The following KIAA1328 variants were observed in gnomAD, a reference collection of about 807,000 sequenced individuals.
KIAA1328 encodes the protein KIAA1328.
A neutral mutation model predicts 68.1 loss-of-function variants in KIAA1328; 52 were observed. The observed-to-expected ratio is 0.76, with a 90% CI of 0.61 to 0.96. The LOEUF is 0.96. KIAA1328 is among the 40% of genes least tolerant of loss of function. The pLI, the probability that KIAA1328 is intolerant of heterozygous loss-of-function variation, is 0.00. For synonymous variants in KIAA1328, 232 were observed against 239.4 expected (o/e 0.97, Z 0.28); for missense variants, 641 against 677.6 (o/e 0.95, Z 0.60).
chr18:37,053,812 G>A (rs964049737), intron 6 of KIAA1328, among the ~76,000 whole-genome samples: 1 of 152,048 alleles, frequency 6.6e-6, no homozygotes, highest in Non-Finnish European at 1.5e-5. Context: ...CCCCCAACAC[G>A]TGAGGATTAC....
intron 7 of KIAA1328, among the ~76,000 whole-genome samples, chr18:37,097,583 T>G (rs570994971): frequency 1.3e-5 from 2 of 152,356 alleles, no homozygotes; most frequent in Non-Finnish European, 2.9e-5. Flanking sequence ...GTATGAACTT[T>G]AAAGTAGTTT....
chr18:37,230,931 C>G (rs946641351), downstream of KIAA1328: 1 of 152,260 alleles, frequency 6.6e-6, no homozygotes, highest in East Asian at 1.9e-4. Context: ...CACACCGGAA[C>G]TGTCAGCATC....
intron 6 of KIAA1328, among the ~76,000 whole-genome samples, chr18:37,024,825 A>T (rs2054502188): frequency 6.6e-6 from 1 of 152,060 alleles, no homozygotes; most frequent in Non-Finnish European, 1.5e-5. Context: ...GTGAATAGTG[A>T]TGCAAAAAAC....
At chr18:36,978,898 C>T (rs993192386) in intron 6 of KIAA1328, among the ~76,000 whole-genome samples, 3 of 152,164 alleles carry the variant, frequency 2.0e-5, no homozygotes, top group African/African-American at 4.8e-5. Context: ...CACTGTGGCT[C>T]ATGTGTATAA....
chr18:37,094,680 A>G (rs1473954880), intron 7 of KIAA1328, among the ~76,000 whole-genome samples: 1 of 152,236 alleles, frequency 6.6e-6, no homozygotes, highest in African/African-American at 2.4e-5. Context: ...ATGATATACA[A>G]AACAACCAGA....
At chr18:37,104,460 A>T (rs571629256) in intron 7 of KIAA1328, among the ~76,000 whole-genome samples, 18 of 152,340 alleles carry the variant, frequency 1.2e-4, no homozygotes, top group African/African-American at 4.1e-4. Context: ...AGCTAAAAAA[A>T]GTTGAGGTAG....
At chr18:37,051,195 A>C (rs977399543) in intron 6 of KIAA1328, among the ~76,000 whole-genome samples, 42 of 151,460 alleles carry the variant, frequency 2.8e-4, no homozygotes, top group African/African-American at 9.2e-4. Flanking sequence ...GTTTAAAAGA[A>C]ATAACAGATT....
intron 6 of KIAA1328, among the ~76,000 whole-genome samples, chr18:36,968,951 G>A (rs1305107026): frequency 2.6e-5 from 4 of 152,104 alleles, no homozygotes; most frequent in Non-Finnish European, 5.9e-5. Flanking sequence ...TCAGACCACA[G>A]TACAATAAAA....
chr18:37,086,649 T>C (rs2057112782), intron 7 of KIAA1328, among the ~76,000 whole-genome samples: 1 of 152,226 alleles, frequency 6.6e-6, no homozygotes, highest in African/African-American at 2.4e-5. Flanking sequence ...GAAAAATGTC[T>C]TTAGTCAATC....
At chr18:37,138,973 T>TG (rs1283960673) in intron 7 of KIAA1328, among the ~76,000 whole-genome samples, 1 of 111,984 alleles carries the variant, frequency 8.9e-6, no homozygotes, top group African/African-American at 2.8e-5. Flanking sequence ...TTTTTTTTTT[T>TG]TGAGACGAAG....
In KIAA1328 at chr18:37,222,573, G is replaced by A; in HGVS notation, c.*346G>A. ...TCTCAAACTTCTGCTAGAAAATGCT[G>A]ACTCACTTTTATATACAAGAAAAAC... On this transcript the variant is annotated 3_prime_UTR_variant, in exon 10 of 10. Coordinates refer to ENST00000280020, the MANE Select transcript of KIAA1328 (RefSeq NM_020776.3). 9.2e-7 allele frequency: 1 copy of A among 1,092,158 alleles called. No homozygotes were observed. Among genetic ancestry groups the A allele is most frequent in the Non-Finnish European group, 1.1e-6 (1 of 895,984 alleles). The allele number at this position is 1,092,158 out of a possible 1,614,324, so 67.7% of individuals were successfully genotyped here.
At chr18:36,855,365 T>A (rs2047348757) in intron 4 of KIAA1328, among the ~76,000 whole-genome samples, 1 of 152,184 alleles carries the variant, frequency 6.6e-6, no homozygotes, top group Non-Finnish European at 1.5e-5. Context: ...TTAAATGATA[T>A]CTTATTGCAG....
intron 6 of KIAA1328, among the ~76,000 whole-genome samples, chr18:37,008,254 G>A (rs747268147): frequency 3.3e-5 from 5 of 152,160 alleles, no homozygotes; most frequent in Non-Finnish European, 7.3e-5. Context: ...TTTGTGTATG[G>A]GCAACACAAG....
intron 6 of KIAA1328, among the ~76,000 whole-genome samples, chr18:37,044,704 G>A (rs1236718499): frequency 1.3e-5 from 2 of 151,692 alleles, no homozygotes; most frequent in African/African-American, 2.4e-5. Flanking sequence ...GGGAGGCTGA[G>A]GCAGAGAATT....
chr18:36,900,497 A>G (rs2049001857), intron 5 of KIAA1328, among the ~76,000 whole-genome samples: 1 of 151,958 alleles, frequency 6.6e-6, no homozygotes, highest in Non-Finnish European at 1.5e-5. Flanking sequence ...CTCTTTTCTA[A>G]TAAGTGAGCA....
At chr18:37,021,801 G>A (rs1318362845) in intron 6 of KIAA1328, among the ~76,000 whole-genome samples, 1 of 151,944 alleles carries the variant, frequency 6.6e-6, no homozygotes, top group African/African-American at 2.4e-5. Flanking sequence ...CACTTTGGGA[G>A]GCCGGGGCAG....
intron 4 of KIAA1328, among the ~76,000 whole-genome samples, chr18:36,873,239 A>G (rs1314431165): frequency 1.3e-5 from 2 of 152,198 alleles, no homozygotes; most frequent in Non-Finnish European, 2.9e-5. Context: ...TTCAGCAGGT[A>G]CTTGAAAATC....
At chr18:36,893,598 A>G (rs1242844668) in intron 5 of KIAA1328, among the ~76,000 whole-genome samples, 1 of 152,020 alleles carries the variant, frequency 6.6e-6, no homozygotes, top group Non-Finnish European at 1.5e-5. Context: ...CTAAGATTAC[A>G]GACATGAGCC....
chr18:37,158,170 C>G (rs1270604166), intron 7 of KIAA1328, among the ~76,000 whole-genome samples: 1 of 152,050 alleles, frequency 6.6e-6, no homozygotes, highest in East Asian at 1.9e-4. Context: ...GTAGCTGGAA[C>G]TATAGGCACA....
Sources: gnomAD v4.1 joint callset for allele counts (sites outside exome capture counted in the v4.1 genomes callset) on GRCh38, gnomAD v4.1.1 for gene constraint, MANE v1.5 for transcripts, NCBI Gene and HGNC (gene_info 2026-07-23, HGNC 2026-07-21) for gene names.